The following CTNNA3 variants were observed in gnomAD, a reference collection of about 807,000 sequenced individuals.
CTNNA3 encodes the protein catenin alpha 3, also known as catenin alpha-3.
In CTNNA3, 76 loss-of-function variants were observed where a neutral mutation model predicts 95.7. The ratio of observed to expected loss-of-function variants is 0.79; its 90% confidence interval spans 0.66 to 0.96. The LOEUF (loss-of-function observed/expected upper bound fraction) is 0.96. Ranked by LOEUF, CTNNA3 falls within the 40% of genes least tolerant of loss-of-function variation. CTNNA3 has a pLI of 0.00. For missense variants in CTNNA3, 1,191 were observed against 1,089.8 expected (o/e 1.09, Z -1.31); for synonymous variants, 431 against 374.4 (o/e 1.15, Z -1.74).
chr10:67,096,097 T>C (rs1295532124), intron 7 of CTNNA3, among the ~76,000 whole-genome samples: 3 of 151,856 alleles, frequency 2.0e-5, no homozygotes, highest in African/African-American at 7.2e-5. Flanking sequence ...GGAATTTTCA[T>C]TTAATAAGCT....
chr10:67,626,833 G>C (rs932969876), intron 2 of CTNNA3, among the ~76,000 whole-genome samples: 4 of 152,038 alleles, frequency 2.6e-5, no homozygotes, highest in Non-Finnish European at 5.9e-5. Context: ...ATATCAAATT[G>C]ACTTAAAAAT....
intron 7 of CTNNA3, among the ~76,000 whole-genome samples, chr10:67,064,881 A>G (rs955426939): frequency 1.3e-5 from 2 of 152,214 alleles, no homozygotes; most frequent in African/African-American, 4.8e-5. Flanking sequence ...ATTTGCAGGT[A>G]CCTTTAAGCT....
chr10:67,717,947 C>T (rs1158833484), intron 1 of CTNNA3, among the ~76,000 whole-genome samples: 2 of 152,080 alleles, frequency 1.3e-5, no homozygotes, highest in African/African-American at 4.8e-5. Flanking sequence ...TTCCAACCCA[C>T]GAGCACAGAA....
At chr10:67,752,202 A>T (rs965042425) in intron 1 of CTNNA3, among the ~76,000 whole-genome samples, 8 of 152,234 alleles carry the variant, frequency 5.3e-5, no homozygotes, top group African/African-American at 1.7e-4. Flanking sequence ...TCATCACATA[A>T]ACAGAACTAA....
chr10:67,295,244 A>G (rs1839987540), intron 5 of CTNNA3, among the ~76,000 whole-genome samples: 1 of 152,230 alleles, frequency 6.6e-6, no homozygotes, highest in African/African-American at 2.4e-5. Context: ...TTCTCTTGAA[A>G]TAAAAATGAA....
At chr10:66,328,933 T>TATATATATATATATATGCAC (rs59003281) in intron 12 of CTNNA3, among the ~76,000 whole-genome samples, 1 of 115,406 alleles carries the variant, frequency 8.7e-6, no homozygotes, top group African/African-American at 3.1e-5. Flanking sequence ...TATATATATA[T>TATATATATATATATATGCAC]ACACACACAC....
chr10:66,566,971 CG>C (rs1191366043), intron 10 of CTNNA3, among the ~76,000 whole-genome samples: 2 of 25,704 alleles, frequency 7.8e-5, no homozygotes, highest in African/African-American at 3.1e-4. Flanking sequence ...GAGCAGGGAG[CG>C]GGGAGAAGAG....
intron 7 of CTNNA3, among the ~76,000 whole-genome samples, chr10:66,905,049 C>T (rs1845924860): frequency 6.6e-6 from 1 of 152,162 alleles, no homozygotes; most frequent in Non-Finnish European, 1.5e-5. Context: ...ATAAATCATG[C>T]TACTATAAAG....
Position 67,258,603 on chromosome 10 carries a change from G to A in CTNNA3, c.580-38733C>T, listed in dbSNP as rs1031859378. On this transcript the variant is annotated intron_variant, in intron 5 of 17. Coordinates refer to ENST00000433211, the MANE Select transcript of CTNNA3 (RefSeq NM_013266.4). Reference sequence around the variant, plus strand: ...TTATTGTAGTAAGAACACAAAATAAGATCTATCTTTCAACTGTGATTTTTT... The same window carrying A: ...TTATTGTAGTAAGAACACAAAATAAAATCTATCTTTCAACTGTGATTTTTT... 2.6e-5 allele frequency among the ~76,000 whole-genome samples: 4 copies of A among 152,054 alleles called. No homozygotes were observed. The East Asian group carries it at 7.7e-4, about 29-fold the overall frequency.
intron 12 of CTNNA3, among the ~76,000 whole-genome samples, chr10:66,369,342 C>T (rs557759474): frequency 9.8e-5 from 15 of 152,286 alleles, no homozygotes; most frequent in African/African-American, 2.6e-4. Flanking sequence ...ATTCGAACTA[C>T]TTCTATCCTC....
At chr10:66,086,392 T>C (rs1452801595) in intron 14 of CTNNA3, among the ~76,000 whole-genome samples, 1 of 152,100 alleles carries the variant, frequency 6.6e-6, no homozygotes, top group African/African-American at 2.4e-5. Context: ...CTCAGACAAG[T>C]CACATCTATA....
At chr10:67,537,523 T>C (rs565415691) in intron 4 of CTNNA3, among the ~76,000 whole-genome samples, 6 of 152,202 alleles carry the variant, frequency 3.9e-5, no homozygotes, top group Non-Finnish European at 8.8e-5. Flanking sequence ...TTCATTTGCA[T>C]GGTATGATGT....
chr10:67,169,952 G>T (rs917606300), intron 7 of CTNNA3, among the ~76,000 whole-genome samples: 5 of 152,112 alleles, frequency 3.3e-5, no homozygotes, highest in Non-Finnish European at 5.9e-5. Flanking sequence ...CCATTAAAAA[G>T]CAGGTAAAGG....
intron 1 of CTNNA3, chr10:67,750,917 C>T (rs1841403539): frequency 1.2e-6 from 2 of 1,610,020 alleles, no homozygotes; most frequent in Non-Finnish European, 1.7e-6. Flanking sequence ...GCCTACAGCC[C>T]CCTAGGCTCT....
At chr10:67,664,200 T>C (rs1036626435) in intron 1 of CTNNA3, among the ~76,000 whole-genome samples, 6 of 152,214 alleles carry the variant, frequency 3.9e-5, no homozygotes, top group African/African-American at 1.4e-4. Flanking sequence ...ATCATGTCTG[T>C]TCTATTATGT....
chr10:66,826,744 G>T (rs190516406), intron 7 of CTNNA3, among the ~76,000 whole-genome samples: 1 of 152,120 alleles, frequency 6.6e-6, no homozygotes, highest in African/African-American at 2.4e-5. Context: ...ATTGTATCCT[G>T]GTAACTTCAA....
intron 7 of CTNNA3, among the ~76,000 whole-genome samples, chr10:67,025,376 A>T (rs1853308459): frequency 6.6e-6 from 1 of 151,910 alleles, no homozygotes; most frequent in Non-Finnish European, 1.5e-5. Context: ...GGTTTTGTAA[A>T]GGCCACATAT....
intron 15 of CTNNA3, among the ~76,000 whole-genome samples, chr10:66,038,052 T>G (rs1216005646): frequency 2.6e-5 from 4 of 152,172 alleles, no homozygotes; most frequent in Non-Finnish European, 5.9e-5. Context: ...ATAACATCAT[T>G]GTCTGTAATA....
At chr10:66,136,527 T>C (rs1005411170) in intron 13 of CTNNA3, among the ~76,000 whole-genome samples, 4 of 152,024 alleles carry the variant, frequency 2.6e-5, no homozygotes, top group African/African-American at 9.7e-5. Context: ...AAGGTAATTG[T>C]TATACACACA....
Sources: allele counts gnomAD v4.1 joint callset (sites outside exome capture counted in the v4.1 genomes callset), GRCh38; gene constraint gnomAD v4.1.1; transcripts MANE v1.5; gene names NCBI Gene and HGNC (gene_info 2026-07-23, HGNC 2026-07-21).